LMX1B: variants seen among roughly 807,000 people sequenced by gnomAD.
The protein encoded by LMX1B is LIM homeobox transcription factor 1-beta.
Under a neutral mutation model 51.4 loss-of-function variants are expected in LMX1B, and 12 were observed. That is an observed-to-expected ratio of 0.23 (90% CI 0.15 to 0.38). LMX1B has a LOEUF of 0.38. LMX1B is among the 10% of genes least tolerant of loss of function. LMX1B has a pLI of 1.00. For missense variants in LMX1B, 445 were observed against 571.1 expected (o/e 0.78, Z 2.25); for synonymous variants, 237 against 235.4 (o/e 1.01, Z -0.06).
At position 126,699,107 on chromosome 9, in the gene LMX1B, G is replaced by T. The variant is rs1454975351; in HGVS notation, c.*2656G>T. On this transcript the variant is annotated 3_prime_UTR_variant, in exon 8 of 8. Transcript: ENST00000373474. ...ATCCTGGGCAGATTCAGGGGCAGAT[G>T]CCCTATCCCCCAGGAGACCTGGCCC... 2 of 152,254 alleles carry T rather than the reference G, an allele frequency of 1.3e-5. No homozygotes were observed. The highest frequency in any genetic ancestry group is 2.9e-5 in the Non-Finnish European group (2 of 68,072). The allele number at this position is 152,254 out of a possible 1,614,324, so 9.4% of individuals were successfully genotyped here. A position where few individuals can be genotyped will look rare whatever the true frequency, so the allele number is the denominator to read the frequency against.
chr9:126,679,191 A>C (rs899607809), intron 2 of LMX1B, among the ~76,000 whole-genome samples: 1 of 152,196 alleles, frequency 6.6e-6, no homozygotes, highest in African/African-American at 2.4e-5. Context: ...GAATAGACAA[A>C]TCATATAGTG....
rs557316364 is a variant in LMX1B at position 126,690,808 on chromosome 9, C to G, written c.327-28C>G. ...CTCTGGGAGGGACTTCTGAGCACCG[C>G]CAACACGCCCGCTTTGTGCATCCGC... On this transcript the variant is annotated intron_variant, in intron 2 of 7. Transcript: ENST00000373474. 55 of 1,575,202 alleles carry G rather than the reference C, an allele frequency of 3.5e-5. No homozygotes were observed. In the African/African-American group the frequency reaches 6.5e-4, roughly 19 times the overall value.
intron 2 of LMX1B, among the ~76,000 whole-genome samples, chr9:126,617,344 G>T (rs530586518): frequency 6.6e-6 from 1 of 151,808 alleles, no homozygotes; most frequent in East Asian, 1.9e-4. Flanking sequence ...GGGGGAAGGG[G>T]GCCCAGGAAA....
chr9:126,688,061 A>G, intron 2 of LMX1B, among the ~76,000 whole-genome samples: 1 of 152,196 alleles, frequency 6.6e-6, no homozygotes, highest in Non-Finnish European at 1.5e-5. Context: ...GACCAAACGG[A>G]TGGCGCATTC....
chr9:126,682,076 C>G (rs1222785859), intron 2 of LMX1B, among the ~76,000 whole-genome samples: 1 of 89,668 alleles, frequency 1.1e-5, no homozygotes, highest in Non-Finnish European at 2.4e-5. Context: ...TACTTGGTCC[C>G]CAGGGTCTTT....
At chr9:126,619,109 A>G (rs889398572) in intron 2 of LMX1B, among the ~76,000 whole-genome samples, 6 of 152,032 alleles carry the variant, frequency 3.9e-5, no homozygotes, top group Non-Finnish European at 7.4e-5. Flanking sequence ...GCAGCAGGGG[A>G]GCATCGAGGC....
At chr9:126,680,129 G>T (rs571380700) in intron 2 of LMX1B, among the ~76,000 whole-genome samples, 1 of 152,210 alleles carries the variant, frequency 6.6e-6, no homozygotes, top group Non-Finnish European at 1.5e-5. Flanking sequence ...GACTGTGGGC[G>T]CCATCATCCC....
At chr9:126,681,623 G>A (rs543405238) in intron 2 of LMX1B, among the ~76,000 whole-genome samples, 3 of 152,164 alleles carry the variant, frequency 2.0e-5, no homozygotes, top group South Asian at 2.1e-4. Flanking sequence ...AATCAGAGGC[G>A]GACACAGTGG....
rs1419288967 is a variant in LMX1B at position 126,618,761 on chromosome 9, A to T, written c.326+3192A>T. ...TCGTCTGGAAAGGGTTTTTATCCTGAAGAGGTGGAGAATTCCTGGAGGAGG... is the reference window on the plus strand; with the variant it reads ...TCGTCTGGAAAGGGTTTTTATCCTGTAGAGGTGGAGAATTCCTGGAGGAGG... On this transcript the variant is annotated intron_variant, in intron 2 of 7. Coordinates refer to ENST00000373474, the MANE Select transcript of LMX1B (RefSeq NM_001174147.2). This position sits in a 1 kb window ranked among gnomAD's most constrained non-coding sequence, Gnocchi z 4.5. Among the ~76,000 whole-genome samples the T allele has an allele frequency of 6.6e-6, 1 of 151,868 alleles. No individual in the cohort carries two copies. Among genetic ancestry groups the T allele is most frequent in the Non-Finnish European group, 1.5e-5 (1 of 67,952 alleles).
chr9:126,665,763 C>A (rs985050404), intron 2 of LMX1B, among the ~76,000 whole-genome samples: 1 of 152,232 alleles, frequency 6.6e-6, no homozygotes, highest in Non-Finnish European at 1.5e-5. Context: ...ACCAACCCCC[C>A]GGGTAGCCCG....
intron 2 of LMX1B, among the ~76,000 whole-genome samples, chr9:126,669,359 A>C (rs1042316473): frequency 6.6e-6 from 1 of 152,172 alleles, no homozygotes. Context: ...GCCACTAACC[A>C]GTCTCAGACT....
intron 2 of LMX1B, among the ~76,000 whole-genome samples, chr9:126,659,464 G>C (rs568212143): frequency 3.9e-5 from 6 of 152,362 alleles, no homozygotes; most frequent in African/African-American, 9.6e-5. Context: ...TCCCAGCAGG[G>C]CGGGCATGGC....
intron 2 of LMX1B, among the ~76,000 whole-genome samples, chr9:126,663,513 C>G (rs139877815): frequency 1.3e-5 from 2 of 151,996 alleles, no homozygotes; most frequent in African/African-American, 4.8e-5. Context: ...AGTTGTGTGA[C>G]CTTGGCAAGG....
chr9:126,655,251 T>C (rs934780214), intron 2 of LMX1B, among the ~76,000 whole-genome samples: 1 of 152,218 alleles, frequency 6.6e-6, no homozygotes, highest in African/African-American at 2.4e-5. Flanking sequence ...TCAGAGGCCT[T>C]GTGAGCCTTG....
Position 126,614,479 on chromosome 9 carries a change from G to A in LMX1B, c.30G>A (p.Leu10=). The A allele has an allele frequency of 6.3e-7, 1 of 1,595,870 alleles. No individual in the cohort carries two copies. Among genetic ancestry groups the A allele is most frequent in the Non-Finnish European group, 8.5e-7 (1 of 1,171,928 alleles). MDIATGPES[L]ERCFPRGQTD... ...ATATAGCAACAGGTCCCGAGTCGCT[G>A]GAGAGGTGCTTCCCTCGCGGGCAGA... The change falls in exon 1 of 8, where the codon CTG becomes CTA. Residue 10 remains leucine (L), a synonymous_variant. Coordinates refer to ENST00000373474, the MANE Select transcript of LMX1B (RefSeq NM_001174147.2).
chr9:126,664,254 A>G (rs1836299102), intron 2 of LMX1B, among the ~76,000 whole-genome samples: 1 of 152,040 alleles, frequency 6.6e-6, no homozygotes, highest in Non-Finnish European at 1.5e-5. Flanking sequence ...TGTCGTTTCC[A>G]TGGTGGTGAG....
At chr9:126,616,777 T>C (rs1437667159) in intron 2 of LMX1B, among the ~76,000 whole-genome samples, 1 of 152,176 alleles carries the variant, frequency 6.6e-6, no homozygotes, top group East Asian at 1.9e-4. Flanking sequence ...GCAGCCCAAC[T>C]GTTTAACTGA....
At chr9:126,674,286 G>A (rs1341729001) in intron 2 of LMX1B, among the ~76,000 whole-genome samples, 2 of 152,112 alleles carry the variant, frequency 1.3e-5, no homozygotes, top group East Asian at 3.9e-4. Context: ...ACCATGCCCT[G>A]TGGAAGCTCC....
chr9:126,651,336 T>TG (rs1588280763), intron 2 of LMX1B, among the ~76,000 whole-genome samples: 1 of 149,932 alleles, frequency 6.7e-6, no homozygotes, highest in Admixed American at 6.6e-5. Context: ...AAGGGCAGCC[T>TG]GGCCTATCTG....
Sources: gnomAD v4.1 joint callset for allele counts (sites outside exome capture counted in the v4.1 genomes callset) on GRCh38, gnomAD v4.1.1 for gene constraint, Gnocchi (gnomAD v3.1) non-coding constraint, MANE v1.5 for transcripts, NCBI Gene and HGNC (gene_info 2026-07-23, HGNC 2026-07-21) for gene names.